Variants in NBEAL1 observed in about 807,000 individuals in gnomAD.
NBEAL1 encodes the protein neurobeachin-like protein 1.
NBEAL1 carries 273 observed loss-of-function variants against 351.3 expected under a neutral mutation model. The observed-to-expected ratio is 0.78, with a 90% CI of 0.70 to 0.86. The LOEUF is 0.86. Ranked by LOEUF, NBEAL1 falls within the 40% of genes least tolerant of loss-of-function variation. The pLI, the probability that NBEAL1 is intolerant of heterozygous loss-of-function variation, is 0.00. For synonymous variants in NBEAL1, 1,050 were observed against 1,086.4 expected (o/e 0.97, Z 0.66); for missense variants, 2,961 against 3,201.3 (o/e 0.92, Z 1.81).
intron 51 of NBEAL1, 31 bp downstream of exon 51, chr2:203,202,812 G>A (rs144851318): frequency 1.6e-6 from 2 of 1,243,534 alleles, no homozygotes; most frequent in East Asian, 2.3e-5. Flanking sequence ...TCTTGAATTA[G>A]GTCAGAGATT....
intron 2 of NBEAL1, among the ~76,000 whole-genome samples, chr2:203,031,023 A>C (rs1238210392): frequency 1.3e-5 from 2 of 152,240 alleles, no homozygotes; most frequent in Non-Finnish European, 2.9e-5. Context: ...ATCTGAAAAC[A>C]TGGATTGTAA....
Position 203,199,338 on chromosome 2 carries a change from A to G in NBEAL1, c.7129A>G (p.Ile2377Val), listed in dbSNP as rs200102601. 7.3e-4 allele frequency: 1,123 copies of G among 1,540,960 alleles called. 2 individuals carry two copies. Among genetic ancestry groups the G allele is most frequent in the Admixed American group, 2.3e-3 (135 of 57,488 alleles). Reference sequence around the variant, plus strand: ...TGAGTCTTCATATGTTCTTTTCCAGATAACAATAAGCATGAATTATGTTAT... The same window carrying G: ...TGAGTCTTCATATGTTCTTTTCCAGGTAACAATAAGCATGAATTATGTTAT... ...FMSQGSPELL[I>V]TISMNYVIGT... is the part of the protein sequence containing the mutation. Residue 2377 changes from isoleucine to valine, a missense_variant and splice_region_variant, in exon 49 of 56, where the codon ATA (isoleucine) becomes GTA (valine). Ile to Val is a conservative substitution (Grantham distance 29, BLOSUM62 3). Coordinates refer to ENST00000683969, the MANE Select transcript of NBEAL1 (RefSeq NM_001378026.1).
intron 12 of NBEAL1, among the ~76,000 whole-genome samples, chr2:203,103,659 G>T (rs1201226031): frequency 4.6e-5 from 7 of 151,984 alleles, no homozygotes. Context: ...TTTGGGATTG[G>T]TTTTCTCTTG....
At chr2:203,167,891 C>T (rs1190772351) in intron 38 of NBEAL1, among the ~76,000 whole-genome samples, 2 of 152,170 alleles carry the variant, frequency 1.3e-5, no homozygotes, top group Non-Finnish European at 2.9e-5. Flanking sequence ...TACAGTTTGA[C>T]AGCTCTCCCC....
intron 40 of NBEAL1, among the ~76,000 whole-genome samples, chr2:203,172,248 C>T (rs183932509): frequency 3.3e-5 from 5 of 152,018 alleles, no homozygotes; most frequent in Non-Finnish European, 7.4e-5. Flanking sequence ...GGGGCAGGTG[C>T]GGTGGCTCAT....
intron 31 of NBEAL1, among the ~76,000 whole-genome samples, chr2:203,140,356 A>G (rs929249509): frequency 6.6e-6 from 1 of 151,986 alleles, no homozygotes; most frequent in Non-Finnish European, 1.5e-5. Context: ...TAAATAATTC[A>G]GCATAACGTA....
rs965714533 is a variant in NBEAL1, at chr2:203,222,447, T to C, written c.*5093T>C. 6.6e-6 allele frequency among the ~76,000 whole-genome samples: 1 copy of C among 152,240 alleles called. No individual in the cohort carries two copies. Among genetic ancestry groups the C allele is most frequent in the African/African-American group, 2.4e-5 (1 of 41,464 alleles). On this transcript the variant is annotated 3_prime_UTR_variant, in exon 56 of 56. Coordinates refer to ENST00000683969, the MANE Select transcript of NBEAL1 (RefSeq NM_001378026.1). ...TACCAGATCCAATATTCAGACTTAT[T>C]TGAAAATAGGCTTAATCATTATCCT...
intron 17 of NBEAL1, among the ~76,000 whole-genome samples, chr2:203,114,576 A>G (rs2062647699): frequency 6.6e-6 from 1 of 152,186 alleles, no homozygotes; most frequent in African/African-American, 2.4e-5. Flanking sequence ...TCAAAATTAT[A>G]TGTATATTCT....
intron 46 of NBEAL1, 45 bp downstream of exon 46, chr2:203,190,434 T>A: frequency 7.6e-7 from 1 of 1,316,820 alleles, no homozygotes. Context: ...ACTTAAGAAG[T>A]AGATTTAAGT....
chr2:203,192,687 A>G (rs749761544), intron 46 of NBEAL1, among the ~76,000 whole-genome samples: 6 of 152,140 alleles, frequency 3.9e-5, no homozygotes, highest in Non-Finnish European at 5.9e-5. Flanking sequence ...CACCCGATCT[A>G]AAAGCTAAAT....
At chr2:203,144,989 TC>T (rs1452001281) in intron 32 of NBEAL1, 21 bp from the exon 33 acceptor site, 30 of 1,516,712 alleles carry the variant, frequency 2.0e-5, no homozygotes, top group Non-Finnish European at 2.6e-5. Context: ...ATTTTATGTA[TC>T]TTTTTTATTT....
chr2:203,027,661 A>C (rs1311163689), intron 2 of NBEAL1, among the ~76,000 whole-genome samples: 1 of 152,216 alleles, frequency 6.6e-6, no homozygotes, highest in African/African-American at 2.4e-5. Context: ...ACAAAATTTA[A>C]CCTTTCTAGT....
At chr2:203,208,021 C>T (rs1351726733) in intron 51 of NBEAL1, among the ~76,000 whole-genome samples, 2 of 152,178 alleles carry the variant, frequency 1.3e-5, no homozygotes, top group African/African-American at 4.8e-5. Flanking sequence ...GTGGCCAATA[C>T]CTATAATCCC....
intron 51 of NBEAL1, among the ~76,000 whole-genome samples, chr2:203,207,551 C>A (rs1388501385): frequency 6.6e-6 from 1 of 152,256 alleles, no homozygotes; most frequent in Non-Finnish European, 1.5e-5. Flanking sequence ...GGAGACTTTT[C>A]ATTTTGTTCT....
chr2:203,166,320 A>G (rs749995563), intron 37 of NBEAL1, 23 bp downstream of exon 37: 21 of 1,590,094 alleles, frequency 1.3e-5, no homozygotes, highest in Non-Finnish European at 1.7e-6. Flanking sequence ...GGAAAAAATA[A>G]TTTTTGCTGT....
At chr2:203,169,360 T>C (rs1333760085) in intron 38 of NBEAL1, among the ~76,000 whole-genome samples, 2 of 136,782 alleles carry the variant, frequency 1.5e-5, no homozygotes, top group Non-Finnish European at 3.0e-5. Context: ...TAGATAATGG[T>C]GATAGTCACA....
chr2:203,138,967 CA>C (rs1315231872), intron 31 of NBEAL1, among the ~76,000 whole-genome samples: 1 of 152,096 alleles, frequency 6.6e-6, no homozygotes, highest in Non-Finnish European at 1.5e-5. Flanking sequence ...CTTCCTTTTA[CA>C]GGATTTATAC....
chr2:203,136,640 G>A lies in NBEAL1; in HGVS notation c.4431G>A (p.Leu1477=), dbSNP rs772846782. 6.2e-6 allele frequency: 10 copies of A among 1,611,814 alleles called. No homozygotes were observed. The highest frequency in any genetic ancestry group is 7.6e-6 in the Non-Finnish European group (9 of 1,178,580). Residue 1477 remains leucine (L), a synonymous_variant, in exon 29 of 56, where the codon TTG becomes TTA. Coordinates refer to ENST00000683969, the MANE Select transcript of NBEAL1 (RefSeq NM_001378026.1). ...EELLQLLTHI[L]NYVMCKGLEK... Reference sequence around the variant, plus strand: ...TTCTTCAATTACTGACACATATTTTGAATTATGTAATGTGTAAGGGACTAG... The same window carrying A: ...TTCTTCAATTACTGACACATATTTTAAATTATGTAATGTGTAAGGGACTAG...
chr2:203,126,224 G>A (rs2062933803), intron 21 of NBEAL1, 131 bp downstream of exon 21: 2 of 958,588 alleles, frequency 2.1e-6, no homozygotes, highest in African/African-American at 1.7e-5. Flanking sequence ...GATATAATTT[G>A]TTCACAGGCA....
Sources: gnomAD v4.1 joint callset for allele counts (sites outside exome capture counted in the v4.1 genomes callset) on GRCh38, gnomAD v4.1.1 for gene constraint, MANE v1.5 for transcripts, NCBI Gene and HGNC (gene_info 2026-07-23, HGNC 2026-07-21) for gene names.